Variants in GPATCH11 observed in about 807,000 individuals in gnomAD.
The protein encoded by GPATCH11 is G patch domain-containing protein 11.
GPATCH11 carries 32 observed loss-of-function variants against 44.8 expected under a neutral mutation model. The ratio of observed to expected loss-of-function variants is 0.71; its 90% CI spans 0.54 to 0.96. GPATCH11 has a LOEUF of 0.96. Ranked by LOEUF, GPATCH11 falls within the 40% of genes least tolerant of loss-of-function variation. GPATCH11 has a pLI of 0.00. For synonymous variants in GPATCH11, 84 were observed against 94.4 expected, an observed-to-expected ratio of 0.89 and a Z score of 0.64; for missense variants, 324 against 303.1, an observed-to-expected ratio of 1.07 and a Z score of -0.51.
At chr2:37,090,172 A>C (rs1376430873) in intron 3 of GPATCH11, among the ~76,000 whole-genome samples, 2 of 152,232 alleles carry the variant, frequency 1.3e-5, no homozygotes, top group East Asian at 3.8e-4. Flanking sequence ...TGAGAAGTGC[A>C]ATGGCTAAAT....
At chr2:37,093,254 A>G (rs1398521844) in intron 6 of GPATCH11, among the ~76,000 whole-genome samples, 6 of 152,062 alleles carry the variant, frequency 3.9e-5, no homozygotes, top group Non-Finnish European at 8.8e-5. Flanking sequence ...CAGCACTTTG[A>G]GAGGACGAGG....
rs1673676016 is a variant in GPATCH11 at position 37,098,072 on chromosome 2, C to T, written c.*1809C>T. On this transcript the variant is annotated 3_prime_UTR_variant, in exon 9 of 9. Coordinates refer to ENST00000674370, the MANE Select transcript of GPATCH11 (RefSeq NM_174931.4). Reference sequence around the variant, plus strand: ...GCGCAGTGGTTCACTCCTGTAATCCCAGCACTTTAGGACGCCAAGGCAGGC... The same window carrying T: ...GCGCAGTGGTTCACTCCTGTAATCCTAGCACTTTAGGACGCCAAGGCAGGC... The T allele has an allele frequency of 6.6e-6, 1 of 151,956 alleles. No individual in the cohort carries two copies. The highest frequency in any genetic ancestry group is 1.5e-5 in the Non-Finnish European group (1 of 67,976). The allele number at this position is 151,956 out of a possible 1,614,324, so 9.4% of individuals were successfully genotyped here.
chr2:37,089,442 C>G (rs1673200617), intron 2 of GPATCH11, among the ~76,000 whole-genome samples, 198 bp from the exon 3 acceptor site: 2 of 152,184 alleles, frequency 1.3e-5, no homozygotes, highest in South Asian at 4.2e-4. Context: ...TCGTGGGCGC[C>G]TGTAATCTCA....
chr2:37,090,786 T>C, intron 4 of GPATCH11, 64 bp downstream of exon 4: 2 of 782,482 alleles, frequency 2.6e-6, no homozygotes, highest in Non-Finnish European at 4.1e-6. Flanking sequence ...CTACCACATA[T>C]ATTTGCTCAA....
At chr2:37,086,454 T>G (rs1048396115) in intron 1 of GPATCH11, among the ~76,000 whole-genome samples, 1 of 152,174 alleles carries the variant, frequency 6.6e-6, no homozygotes, top group Non-Finnish European at 1.5e-5. Flanking sequence ...GTCTTTGTGT[T>G]TAACACAAGA....
intron 3 of GPATCH11, 85 bp from the exon 4 acceptor site, chr2:37,090,596 A>C: frequency 1.4e-6 from 1 of 693,566 alleles, no homozygotes; most frequent in South Asian, 1.8e-5. Context: ...GGGCATATGC[A>C]TAGAGCATTG....
intron 6 of GPATCH11, among the ~76,000 whole-genome samples, 189 bp downstream of exon 6, chr2:37,092,444 TATATA>T (rs1427332023): frequency 2.1e-5 from 3 of 144,138 alleles, no homozygotes; most frequent in Non-Finnish European, 3.0e-5. Flanking sequence ...ACATATGTCT[TATATA>T]TTATATATAT....
intron 1 of GPATCH11, among the ~76,000 whole-genome samples, chr2:37,086,552 T>A (rs1347654417): frequency 6.6e-6 from 1 of 152,148 alleles, no homozygotes; most frequent in East Asian, 1.9e-4. Flanking sequence ...CCCAGCACTT[T>A]GGGAGACCGA....
intron 6 of GPATCH11, among the ~76,000 whole-genome samples, chr2:37,092,795 T>A (rs1673397822): frequency 6.6e-6 from 1 of 152,176 alleles, no homozygotes; most frequent in Non-Finnish European, 1.5e-5. Context: ...AATATTTGAT[T>A]AACAAGAATA....
Position 37,097,909 on chromosome 2 carries a change from G to T in GPATCH11, c.*1646G>T, listed in dbSNP as rs1673666248. On this transcript the variant is annotated 3_prime_UTR_variant, in exon 9 of 9. Transcript: ENST00000674370. ...GAGCCACTAATCTAGTTAACTTCTG[G>T]GCCTCAGTTCTTCATCCAGAAAACT... is the stretch of plus-strand genomic sequence containing the variant. The T allele has an allele frequency of 6.6e-6, 1 of 151,676 alleles. No individual in the cohort carries two copies. Among genetic ancestry groups the T allele is most frequent in the Non-Finnish European group, 1.5e-5 (1 of 67,936 alleles). 9.4% of individuals were successfully genotyped at this position (151,676 alleles called of 1,614,324 possible).
chr2:37,098,055 G>T lies in GPATCH11; in HGVS notation c.*1792G>T, dbSNP rs1220935981. Reference sequence around the variant, plus strand: ...ATTATAAAATTGGCTGAGCGCAGTGGTTCACTCCTGTAATCCCAGCACTTT... The same window carrying T: ...ATTATAAAATTGGCTGAGCGCAGTGTTTCACTCCTGTAATCCCAGCACTTT... On this transcript the variant is annotated 3_prime_UTR_variant, in exon 9 of 9. Transcript: ENST00000674370. The T allele has an allele frequency of 2.0e-5, 3 of 151,960 alleles. No individual in the cohort carries two copies. Among genetic ancestry groups the T allele is most frequent in the African/African-American group, 7.3e-5 (3 of 41,364 alleles). The allele number at this position is 151,960 out of a possible 1,614,324, so 9.4% of individuals were successfully genotyped here.
At chr2:37,093,639 C>T (rs1673435297) in intron 6 of GPATCH11, among the ~76,000 whole-genome samples, 1 of 152,056 alleles carries the variant, frequency 6.6e-6, no homozygotes, top group Admixed American at 6.6e-5. Context: ...ACTTTGCATC[C>T]CCATAGTTCA....
chr2:37,095,742 A>G (rs1216590010), intron 8 of GPATCH11, among the ~76,000 whole-genome samples: 4 of 152,202 alleles, frequency 2.6e-5, no homozygotes, highest in Non-Finnish European at 5.9e-5. Context: ...TTTTGTTTCA[A>G]AAGAAACAAT....
intron 5 of GPATCH11, 22 bp from the exon 6 acceptor site, chr2:37,092,143 T>G: frequency 6.5e-7 from 1 of 1,544,516 alleles, no homozygotes; most frequent in South Asian, 1.3e-5. Context: ...ACCTTTAGTT[T>G]ACAATTTTTT....
rs956641979 is a variant in GPATCH11, at chr2:37,097,915, A to C, written c.*1652A>C. ...CTAATCTAGTTAACTTCTGGGCCTC[A>C]GTTCTTCATCCAGAAAACTAATCAT... On this transcript the variant is annotated 3_prime_UTR_variant, in exon 9 of 9. Transcript: ENST00000674370. The C allele has an allele frequency of 6.6e-6, 1 of 152,248 alleles. No homozygotes were observed. The highest frequency in any genetic ancestry group is 1.5e-5 in the Non-Finnish European group (1 of 68,048). 9.4% of individuals were successfully genotyped at this position (152,248 alleles called of 1,614,324 possible).
At chr2:37,088,585 A>G (rs1413747035) in intron 2 of GPATCH11, 145 bp downstream of exon 2, 2 of 523,170 alleles carry the variant, frequency 3.8e-6, no homozygotes, top group Admixed American at 3.2e-5. Flanking sequence ...GCACAATCTT[A>G]GCTCACTGCA....
In GPATCH11 at chr2:37,092,227, G is replaced by A. The variant is rs201245223; in HGVS notation, c.512G>A (p.Arg171Gln). Residue 171 changes from arginine to glutamine, a missense_variant, in exon 6 of 9, where the codon CGA (arginine) becomes CAA (glutamine). Transcript: ENST00000674370. ...GAAGGAGATCTCAGAAGAAGCCAGC[G>A]AGCCTGTCAACAACTGGATGTCCAG... is the stretch of plus-strand genomic sequence containing the variant. ...KLEGDLRRSQ[R>Q]ACQQLDVQKN... 9.4e-5 allele frequency: 144 copies of A among 1,525,706 alleles called. No individual in the cohort carries two copies. The East Asian group carries it at 1.4e-3, about 15-fold the overall frequency. 94.5% of individuals were successfully genotyped at this position (1,525,706 alleles called of 1,614,324 possible).
At chr2:37,089,304 C>T (rs757769414) in intron 2 of GPATCH11, among the ~76,000 whole-genome samples, 3 of 152,152 alleles carry the variant, frequency 2.0e-5, no homozygotes, top group Non-Finnish European at 4.4e-5. Context: ...TGGAAGCTCA[C>T]GCCTGTAATC....
chr2:37,094,667 C>A (rs1185072837), intron 7 of GPATCH11, among the ~76,000 whole-genome samples: 1 of 152,168 alleles, frequency 6.6e-6, no homozygotes, highest in East Asian at 1.9e-4. Flanking sequence ...GGAGGCCGGG[C>A]ATGGTGGCTC....
Sources: allele counts gnomAD v4.1 joint callset (sites outside exome capture counted in the v4.1 genomes callset), GRCh38; gene constraint gnomAD v4.1.1; transcripts MANE v1.5; gene names NCBI Gene and HGNC (gene_info 2026-07-23, HGNC 2026-07-21).